INPP5F: variants seen among roughly 807,000 people sequenced by gnomAD.
The protein encoded by INPP5F is inositol polyphosphate-5-phosphatase F.
INPP5F carries 97 observed loss-of-function variants against 137.2 expected under a neutral mutation model. The ratio of observed to expected loss-of-function variants is 0.71; its 90% CI spans 0.60 to 0.84. The LOEUF (loss-of-function observed/expected upper bound fraction) is 0.84. Among genes scored for constraint, INPP5F ranks in the 40% least tolerant of loss-of-function variants. The pLI, the probability that INPP5F is intolerant of heterozygous loss-of-function variation, is 0.00. For missense variants in INPP5F, 1,271 were observed against 1,371.9 expected (o/e 0.93, Z 1.16); for synonymous variants, 504 against 476.9 (o/e 1.06, Z -0.74).
intron 1 of INPP5F, among the ~76,000 whole-genome samples, chr10:119,732,114 C>G (rs1848089652): frequency 6.9e-6 from 1 of 145,920 alleles, no homozygotes; most frequent in Non-Finnish European, 1.5e-5. Flanking sequence ...ACTGCAACTG[C>G]AACCTCGGCC....
Position 119,826,986 on chromosome 10 carries a change from T to C in INPP5F, c.2605T>C (p.Ser869Pro). 1.2e-6 allele frequency: 2 copies of C among 1,614,108 alleles called. No homozygotes were observed. The highest frequency in any genetic ancestry group is 1.7e-6 in the Non-Finnish European group (2 of 1,179,974). Reference protein sequence around the residue: ...HSDEFLTNSKSDEDRQLANSL... With the variant: ...HSDEFLTNSKPDEDRQLANSL... ...TGATGAATTCCTTACAAATTCTAAG[T>C]CTGATGAAGACAGGCAGCTAGCTAA... Residue 869 changes from serine to proline, a missense_variant, in exon 20 of 20, where the codon TCT becomes CCT. Physicochemically the swap from Ser to Pro is moderately conservative, Grantham distance 74. Around this residue, in one of 6 missense-constraint regions of INPP5F, gnomAD observed 490 missense variants for 443.7 expected, o/e 1.10. Transcript: ENST00000650623.
chr10:119,750,167 A>G (rs1848651158), intron 1 of INPP5F, among the ~76,000 whole-genome samples: 1 of 152,252 alleles, frequency 6.6e-6, no homozygotes, highest in Non-Finnish European at 1.5e-5. Flanking sequence ...AGGCTAAACT[A>G]TTAAGTGTAT....
Position 119,795,956 on chromosome 10 carries a change from C to T in INPP5F, c.670-759C>T, listed in dbSNP as rs931817970. On this transcript the variant is annotated intron_variant, in intron 6 of 19. Transcript: ENST00000650623. ...AGTCAGGCGTGGCGGCGCGCGCCTG[C>T]AATCGCAGGCACTCGGCAGGCTGAG... Among the ~76,000 whole-genome samples, 96 of 152,122 alleles carry T rather than the reference C, an allele frequency of 6.3e-4. 2 individuals are homozygous for T. The highest frequency in any genetic ancestry group is 2.2e-3 in the African/African-American group (91 of 41,504).
chr10:119,826,777 A>G lies in INPP5F; in HGVS notation c.2396A>G (p.Asn799Ser), dbSNP rs1851776658. 2 of 1,613,966 alleles carry G rather than the reference A, an allele frequency of 1.2e-6. No individual in the cohort carries two copies. Among genetic ancestry groups the G allele is most frequent in the Non-Finnish European group, 8.5e-7 (1 of 1,179,972 alleles). The change falls in exon 20 of 20, where the codon AAC (asparagine) becomes AGC (serine). Residue 799 changes from asparagine to serine, a missense_variant. Around this residue, in one of 6 missense-constraint regions of INPP5F, gnomAD observed 490 missense variants for 443.7 expected, o/e 1.10. Transcript: ENST00000650623. ...ACCAAATCCAATGTAAATATTGGCA[A>G]CCTCCGAAAGCTAGGAAACTTTACC... is the stretch of plus-strand genomic sequence containing the variant. ...KQTKSNVNIG[N>S]LRKLGNFTKP...
At chr10:119,780,511 A>G (rs981311930) in intron 2 of INPP5F, among the ~76,000 whole-genome samples, 1 of 152,228 alleles carries the variant, frequency 6.6e-6, no homozygotes, top group Non-Finnish European at 1.5e-5. Flanking sequence ...CAGGAGGCAG[A>G]GGCTGCCATG....
At chr10:119,737,813 G>A (rs986249720) in intron 1 of INPP5F, among the ~76,000 whole-genome samples, 7 of 152,052 alleles carry the variant, frequency 4.6e-5, no homozygotes, top group Admixed American at 4.6e-4. Flanking sequence ...TTTTGTGTTG[G>A]TGATTGTCTT....
Position 119,826,915 on chromosome 10 carries a change from C to A in INPP5F, c.2534C>A (p.Ala845Glu). 6.2e-7 allele frequency: 1 copy of A among 1,614,072 alleles called. No individual in the cohort carries two copies. Among genetic ancestry groups the A allele is most frequent in the Non-Finnish European group, 8.5e-7 (1 of 1,179,942 alleles). ...ENTGVMDKVQ[A>E]ESDGDMSSDN... ...ACAGGAGTGATGGATAAGGTTCAGG[C>A]AGAGTCTGATGGGGACATGTCTTCA... is the stretch of plus-strand genomic sequence containing the variant. Residue 845 changes from alanine to glutamate, a missense_variant, in exon 20 of 20, where the codon GCA (alanine) becomes GAA (glutamate). Physicochemically the swap from Ala to Glu is moderately radical, Grantham distance 107. Transcript: ENST00000650623.
At chr10:119,801,021 G>C (rs1042123224) in intron 9 of INPP5F, among the ~76,000 whole-genome samples, 5 of 149,630 alleles carry the variant, frequency 3.3e-5, no homozygotes, top group Non-Finnish European at 7.4e-5. Context: ...AACTGTAATA[G>C]AAAAAATTTT....
chr10:119,811,106 C>CT (rs1356413793), intron 14 of INPP5F, among the ~76,000 whole-genome samples: 1 of 152,236 alleles, frequency 6.6e-6, no homozygotes, highest in Admixed American at 6.5e-5. Context: ...AGTTATATCA[C>CT]TGAGGACCTC....
chr10:119,726,458 G>A, intron 1 of INPP5F, 99 bp downstream of exon 1: 1 of 569,306 alleles, frequency 1.8e-6, no homozygotes, highest in Non-Finnish European at 2.5e-6. Context: ...GCCGCCTGCG[G>A]GCCTGGTGAG....
intron 9 of INPP5F, 46 bp downstream of exon 9, chr10:119,798,656 A>G: frequency 7.4e-6 from 10 of 1,354,928 alleles, no homozygotes; most frequent in South Asian, 1.2e-5. Context: ...ATCTTTAGAA[A>G]TAACTTTTTC....
At chr10:119,794,067 G>A (rs1316172855) in intron 6 of INPP5F, among the ~76,000 whole-genome samples, 1 of 152,064 alleles carries the variant, frequency 6.6e-6, no homozygotes, top group East Asian at 1.9e-4. Context: ...TTCTCGCAGA[G>A]GGGGATTTGG....
intron 3 of INPP5F, among the ~76,000 whole-genome samples, chr10:119,786,881 GA>G (rs1849938385): frequency 6.6e-6 from 1 of 152,064 alleles, no homozygotes; most frequent in African/African-American, 2.4e-5. Context: ...ACCTTCCAGT[GA>G]AGGTGTTTCC....
At chr10:119,746,295 C>T (rs953193627) in intron 1 of INPP5F, among the ~76,000 whole-genome samples, 4 of 152,186 alleles carry the variant, frequency 2.6e-5, no homozygotes, top group African/African-American at 9.7e-5. Flanking sequence ...ACATGACTCT[C>T]CGTGACTGCT....
At chr10:119,774,354 A>G (rs1029156106) in intron 2 of INPP5F, among the ~76,000 whole-genome samples, 4 of 151,950 alleles carry the variant, frequency 2.6e-5, no homozygotes, top group African/African-American at 7.3e-5. Flanking sequence ...AGAGATACCA[A>G]CAAGTTTGAA....
chr10:119,792,012 G>T lies in INPP5F; in HGVS notation c.588G>T (p.Arg196Ser), dbSNP rs1160455049. 5 of 1,614,070 alleles carry T rather than the reference G, an allele frequency of 3.1e-6. No individual in the cohort carries two copies. The highest frequency in any genetic ancestry group is 4.2e-6 in the Non-Finnish European group (5 of 1,180,052). ...TGCAGAGGCAGAGCACTGGGGAGAG[G>T]GACGGTCGGCCCCTCTGGCAGAAGG... is the stretch of plus-strand genomic sequence containing the variant. ...NSVQRQSTGE[R>S]DGRPLWQKVD... Residue 196 changes from arginine (R) to serine (S), a missense_variant, in exon 5 of 20, where the codon AGG (arginine) becomes AGT (serine). Coordinates refer to ENST00000650623, the MANE Select transcript of INPP5F (RefSeq NM_014937.4).
At chr10:119,818,293 G>A (rs1851372831) in intron 15 of INPP5F, among the ~76,000 whole-genome samples, 1 of 152,332 alleles carries the variant, frequency 6.6e-6, no homozygotes. Context: ...GGCCCGCCTC[G>A]CCTCTCCGCT....
chr10:119,741,891 G>A (rs1848386799), intron 1 of INPP5F, among the ~76,000 whole-genome samples: 1 of 151,976 alleles, frequency 6.6e-6, no homozygotes, highest in Non-Finnish European at 1.5e-5. Context: ...TCAGATCTCA[G>A]CTCACTGCAA....
In INPP5F at chr10:119,745,712, T is replaced by G. The variant is rs868746926; in HGVS notation, c.98-5364T>G. ...TCAGGCTCATTCCTTTTTTTTTTTT[T>G]TTTTTTTTTTGAGATGAAGCCTCAC... On this transcript the variant is annotated intron_variant, in intron 1 of 19. Transcript: ENST00000650623. Among the ~76,000 whole-genome samples, 107 of 146,730 alleles carry G rather than the reference T, an allele frequency of 7.3e-4. 1 individual carries two copies. Among genetic ancestry groups the G allele is most frequent in the African/African-American group, 2.5e-3 (99 of 39,564 alleles).
Sources: gnomAD v4.1 joint callset for allele counts (sites outside exome capture counted in the v4.1 genomes callset) on GRCh38, gnomAD v4.1.1 for gene constraint, gnomAD v4.1.1 regional missense constraint, MANE v1.5 for transcripts, NCBI Gene and HGNC (gene_info 2026-07-23, HGNC 2026-07-21) for gene names.